FGGY: variants seen among roughly 807,000 people sequenced by gnomAD.
The protein encoded by FGGY is FGGY carbohydrate kinase domain containing, also known as FGGY carbohydrate kinase domain-containing protein.
In FGGY, 72 loss-of-function variants were observed where a neutral mutation model predicts 71.3. The observed-to-expected ratio is 1.01, with a 90% CI of 0.84 to 1.23. The LOEUF (loss-of-function observed/expected upper bound fraction) is 1.23, where lower values mean the gene tolerates loss of function less well. Ranked by LOEUF, FGGY falls within the 50% of genes most tolerant of loss-of-function variation. FGGY has a pLI of 0.00. For missense variants in FGGY, 668 were observed against 682.3 expected (o/e 0.98, Z 0.23); for synonymous variants, 251 against 250.3 (o/e 1.00, Z -0.02).
intron 5 of FGGY, among the ~76,000 whole-genome samples, chr1:59,422,707 AAAAG>A (rs2065669199): frequency 6.6e-6 from 1 of 152,108 alleles, no homozygotes; most frequent in African/African-American, 2.4e-5. Flanking sequence ...AAAAAAAAAA[AAAAG>A]GTTACTTGCT....
At chr1:59,580,557 C>T (rs986046172) in intron 8 of FGGY, among the ~76,000 whole-genome samples, 5 of 152,290 alleles carry the variant, frequency 3.3e-5, no homozygotes, top group East Asian at 3.9e-4. Context: ...AGTTTGTACC[C>T]TTAACCACTA....
chr1:59,539,461 G>T (rs1300980355), intron 7 of FGGY, among the ~76,000 whole-genome samples: 1 of 152,162 alleles, frequency 6.6e-6, no homozygotes, highest in Non-Finnish European at 1.5e-5. Context: ...CACATGTATG[G>T]ACAGTTAATT....
chr1:59,308,223 A>G (rs373207550), intron 1 of FGGY, among the ~76,000 whole-genome samples: 13 of 152,316 alleles, frequency 8.5e-5, no homozygotes, highest in South Asian at 6.2e-4. Context: ...AGAAAAGAAG[A>G]CCCAACAGGA....
At chr1:59,586,387 C>T (rs1292636347) in intron 8 of FGGY, among the ~76,000 whole-genome samples, 3 of 152,112 alleles carry the variant, frequency 2.0e-5, no homozygotes, top group Non-Finnish European at 2.9e-5. Flanking sequence ...AACCATCATT[C>T]TTAGTAAGCT....
chr1:59,450,750 G>A (rs750208088), intron 5 of FGGY, among the ~76,000 whole-genome samples: 5 of 151,864 alleles, frequency 3.3e-5, no homozygotes, highest in Non-Finnish European at 7.4e-5. Context: ...ATTATGAATG[G>A]TAGTTTTCTT....
At chr1:59,537,028 AT>A (rs2095335530) in intron 7 of FGGY, among the ~76,000 whole-genome samples, 1 of 152,010 alleles carries the variant, frequency 6.6e-6, no homozygotes, top group Non-Finnish European at 1.5e-5. Context: ...AATAAAGGGT[AT>A]TCAATTAGGA....
intron 7 of FGGY, among the ~76,000 whole-genome samples, chr1:59,537,068 C>T (rs1334509864): frequency 1.3e-5 from 2 of 151,452 alleles, no homozygotes; most frequent in African/African-American, 4.9e-5. Flanking sequence ...TCCCTGTTTG[C>T]AGATGACATG....
intron 7 of FGGY, chr1:59,553,819 A>G: frequency 4.2e-6 from 1 of 237,934 alleles, no homozygotes; most frequent in Non-Finnish European, 8.2e-6. Context: ...AGTGCCTGGT[A>G]TTTAGTGAGC....
chr1:59,435,505 C>T lies in FGGY; in HGVS notation c.555-21456C>T, dbSNP rs567771709. 5.3e-5 allele frequency among the ~76,000 whole-genome samples: 8 copies of T among 152,206 alleles called. No homozygotes were observed. In the South Asian group the frequency reaches 8.3e-4, roughly 16 times the overall value. On this transcript the variant is annotated intron_variant, in intron 5 of 15. Coordinates refer to ENST00000303721, the MANE Select transcript of FGGY (RefSeq NM_018291.5). ...CGCTGCCTCTCTTGCCAGCCTTGCC[C>T]GCCCCTCATGCTCTATGCTCCACTT...
intron 10 of FGGY, among the ~76,000 whole-genome samples, chr1:59,628,895 G>A (rs1217327848): frequency 6.6e-6 from 1 of 152,082 alleles, no homozygotes; most frequent in Non-Finnish European, 1.5e-5. Flanking sequence ...GTACCTCACT[G>A]TAAAGGGAAT....
chr1:59,512,211 G>A, intron 6 of FGGY, 100 bp from the exon 7 acceptor site: 2 of 1,284,868 alleles, frequency 1.6e-6, no homozygotes, highest in Non-Finnish European at 2.1e-6. Flanking sequence ...CAAATGCAGA[G>A]GAGGGAGGAG....
chr1:59,739,810 T>C (rs769702358), intron 14 of FGGY, among the ~76,000 whole-genome samples: 1 of 152,216 alleles, frequency 6.6e-6, no homozygotes, highest in Non-Finnish European at 1.5e-5. Flanking sequence ...GTGGACACTA[T>C]AAATCAAAGC....
chr1:59,663,707 C>T (rs1304000036), intron 12 of FGGY, among the ~76,000 whole-genome samples: 3 of 151,780 alleles, frequency 2.0e-5, no homozygotes, highest in Non-Finnish European at 4.4e-5. Flanking sequence ...TTTGTGGAGT[C>T]AAGTGAATTG....
chr1:59,520,796 G>A (rs999224749), intron 7 of FGGY, among the ~76,000 whole-genome samples: 19 of 152,132 alleles, frequency 1.2e-4, no homozygotes, highest in Non-Finnish European at 2.1e-4. Flanking sequence ...TTCTAAGTGT[G>A]GAAAATGTCA....
At chr1:59,322,274 C>G (rs375373283) in intron 2 of FGGY, among the ~76,000 whole-genome samples, 2 of 147,644 alleles carry the variant, frequency 1.4e-5, no homozygotes, top group South Asian at 4.3e-4. Context: ...TCCAGAGGTG[C>G]GCTCTTTTTT....
chr1:59,371,145 T>C (rs563155345), intron 4 of FGGY, among the ~76,000 whole-genome samples: 13 of 152,166 alleles, frequency 8.5e-5, no homozygotes, highest in African/African-American at 2.4e-4. Flanking sequence ...CATCAGTGTG[T>C]TGTATTCAGG....
chr1:59,297,712 T>A (rs906118975), intron 1 of FGGY, among the ~76,000 whole-genome samples: 40 of 151,624 alleles, frequency 2.6e-4, no homozygotes, highest in African/African-American at 8.5e-4. Context: ...AGTCCCAGCT[T>A]CTCGGGAGGC....
chr1:59,679,897 G>A (rs2097478934), intron 14 of FGGY, among the ~76,000 whole-genome samples: 1 of 152,110 alleles, frequency 6.6e-6, no homozygotes, highest in Non-Finnish European at 1.5e-5. Context: ...TTTAAAGAAT[G>A]CTGCAACTGA....
At chr1:59,608,126 T>A (rs1323007658) in intron 9 of FGGY, among the ~76,000 whole-genome samples, 1 of 152,200 alleles carries the variant, frequency 6.6e-6, no homozygotes, top group Non-Finnish European at 1.5e-5. Context: ...CAGCCCTTCT[T>A]CTCACCTGAT....
Sources: gnomAD v4.1 joint callset for allele counts (sites outside exome capture counted in the v4.1 genomes callset) on GRCh38, gnomAD v4.1.1 for gene constraint, MANE v1.5 for transcripts, NCBI Gene and HGNC (gene_info 2026-07-23, HGNC 2026-07-21) for gene names.